The following BHLHE40 variants were observed in gnomAD, a reference collection of about 807,000 sequenced individuals.
BHLHE40 encodes the protein class E basic helix-loop-helix protein 40.
A neutral mutation model predicts 35.7 loss-of-function variants in BHLHE40; 3 were observed. The observed-to-expected ratio is 0.08, with a 90% CI of 0.04 to 0.22. BHLHE40 has a LOEUF of 0.22. BHLHE40 is among the 10% of genes least tolerant of loss of function. BHLHE40 has a pLI of 1.00. For missense variants in BHLHE40, 486 were observed against 524.0 expected (o/e 0.93, Z 0.71); for synonymous variants, 236 against 213.0 (o/e 1.11, Z -0.94).
In BHLHE40 at chr3:4,983,445, C is replaced by T; in HGVS notation, c.992C>T (p.Ser331Leu). 6.2e-7 allele frequency: 1 copy of T among 1,614,206 alleles called. No homozygotes were observed. Among genetic ancestry groups the T allele is most frequent in the South Asian group, 1.1e-5 (1 of 91,090 alleles). ...FCLPFYLIPPSATAYLPMLEK... is the reference protein window; with the variant it reads ...FCLPFYLIPPLATAYLPMLEK... ...CTGCCCTTCTACCTGATCCCACCTT[C>T]AGCGACTGCCTACCTGCCCATGCTG... The change falls in exon 5 of 5, where the codon TCA (serine) becomes TTA (leucine). Residue 331 changes from serine (S) to leucine (L), a missense_variant. Ser to Leu is a moderately radical substitution (Grantham distance 145, BLOSUM62 -2). Transcript: ENST00000256495. The surrounding 1 kb of genome is among the most constrained non-coding windows in gnomAD (Gnocchi z 5.0).
At chr3:4,980,082 G>T in intron 2 of BHLHE40, 51 bp downstream of exon 2, 2 of 1,594,290 alleles carry the variant, frequency 1.3e-6, no homozygotes, top group East Asian at 4.5e-5. Flanking sequence ...CGCGCGCGCT[G>T]AGTTTCCAAG....
chr3:4,979,919 G>C (rs200308998), intron 1 of BHLHE40, 43 bp from the exon 2 acceptor site: 2 of 1,611,472 alleles, frequency 1.2e-6, no homozygotes, highest in East Asian at 4.5e-5. Flanking sequence ...GCCTGCAGCC[G>C]TGCGCAAGCA....
chr3:4,980,432 C>G, intron 3 of BHLHE40, 24 bp downstream of exon 3: 3 of 1,598,902 alleles, frequency 1.9e-6, no homozygotes, highest in East Asian at 2.2e-5. Context: ...TGGCCCCTTT[C>G]CAACCCAGTC....
At chr3:4,982,010 T>C (rs746874269) in intron 4 of BHLHE40, among the ~76,000 whole-genome samples, 10 of 152,234 alleles carry the variant, frequency 6.6e-5, no homozygotes, top group Non-Finnish European at 1.3e-4. Flanking sequence ...CTTGGTGAAT[T>C]GCACAATCTA....
Position 4,983,705 on chromosome 3 carries a change from A to G in BHLHE40, c.*13A>G. ...AACCAAAGACTAAACTCTCTAGGGGATCCTGCTGCTTTGCTTTCCTTCCTC... is the reference window on the plus strand; with the variant it reads ...AACCAAAGACTAAACTCTCTAGGGGGTCCTGCTGCTTTGCTTTCCTTCCTC... On this transcript the variant is annotated 3_prime_UTR_variant, in exon 5 of 5. Coordinates refer to ENST00000256495, the MANE Select transcript of BHLHE40 (RefSeq NM_003670.3). This position sits in a 1 kb window ranked among gnomAD's most constrained non-coding sequence, Gnocchi z 5.0. 6.4e-7 allele frequency: 1 copy of G among 1,570,452 alleles called. No homozygotes were observed. The highest frequency in any genetic ancestry group is 8.6e-7 in the Non-Finnish European group (1 of 1,160,420).
chr3:4,983,846 GTGTGTGTGTA>G lies in BHLHE40; in HGVS notation c.*159_*168del. 1.9e-6 allele frequency: 2 copies of G among 1,029,730 alleles called. No individual in the cohort carries two copies. The highest frequency in any genetic ancestry group is 2.8e-6 in the Non-Finnish European group (2 of 718,148). The allele number at this position is 1,029,730 out of a possible 1,614,324, so 63.8% of individuals were successfully genotyped here. ...AGATTCAGGGTGTGTGTGTGTGTGT[GTGTGTGTGTA>G]TGTGCGTGTGCGTGCACATGTGTGC... On this transcript the variant is annotated 3_prime_UTR_variant, in exon 5 of 5. Transcript: ENST00000256495. The surrounding 1 kb of genome is among the most constrained non-coding windows in gnomAD (Gnocchi z 5.0).
chr3:4,980,255 T>C (rs774233203), intron 2 of BHLHE40, 46 bp from the exon 3 acceptor site: 2 of 1,531,334 alleles, frequency 1.3e-6, no homozygotes, highest in Non-Finnish European at 1.8e-6. Context: ...GATAGGCTTC[T>C]CATCTCCTTC....
rs776024068 is a variant in BHLHE40 at position 4,983,340 on chromosome 3, A to G, written c.887A>G (p.Asp296Gly). The change falls in exon 5 of 5, where the codon GAT becomes GGT. Residue 296 changes from aspartate to glycine, a missense_variant. This residue lies in a region of BHLHE40 where 206 missense variants were observed against 208.9 expected (regional missense o/e 0.99). Transcript: ENST00000256495. This position sits in a 1 kb window ranked among gnomAD's most constrained non-coding sequence, Gnocchi z 5.0. ...PTKKNRMQLS[D>G]DEGHFTSSDL... ...AAAAAGAACCGGATGCAGCTTTCGG[A>G]TGATGAAGGCCATTTCACTAGCAGT... 6.2e-7 allele frequency: 1 copy of G among 1,614,156 alleles called. No homozygotes were observed. Among genetic ancestry groups the G allele is most frequent in the Non-Finnish European group, 8.5e-7 (1 of 1,180,028 alleles).
At chr3:4,980,514 ATCAGAGCTGGCGGG>A in intron 3 of BHLHE40, 106 bp downstream of exon 3, 1 of 919,416 alleles carries the variant, frequency 1.1e-6, no homozygotes, top group South Asian at 1.4e-5. Flanking sequence ...AGACTGGCGG[ATCAGAGCTGGCGGG>A]TGGCTCTGCG....
rs1183246948 is a variant in BHLHE40, at chr3:4,983,274, G to A, written c.821G>A (p.Arg274Lys). 3 of 1,614,202 alleles carry A rather than the reference G, an allele frequency of 1.9e-6. No homozygotes were observed. The highest frequency in any genetic ancestry group is 2.5e-6 in the Non-Finnish European group (3 of 1,180,018). Residue 274 changes from arginine to lysine, a missense_variant, in exon 5 of 5, where the codon AGG (arginine) becomes AAG (lysine). Physicochemically the swap from Arg to Lys is conservative, Grantham distance 26. Transcript: ENST00000256495. This position sits in a 1 kb window ranked among gnomAD's most constrained non-coding sequence, Gnocchi z 5.0. ...DHGRRFTMGE[R>K]IGAIKQESEE... is the part of the protein sequence containing the mutation. The stretch of plus-strand genomic sequence containing the variant: ...GGACGCAGGTTCACGATGGGAGAAA[G>A]GATCGGCGCAATTAAGCAAGAGTCC...
At chr3:4,980,205 A>ACTCTGCTC (rs2053179816) in intron 2 of BHLHE40, 96 bp from the exon 3 acceptor site, 5 of 1,225,146 alleles carry the variant, frequency 4.1e-6, no homozygotes, top group Admixed American at 1.8e-5. Flanking sequence ...CTACTCTGCT[A>ACTCTGCTC]CTCTGCTCCT....
rs979108841 is a variant in BHLHE40, at chr3:4,983,521, C to T, written c.1068C>T (p.Asn356=). 8 of 1,614,074 alleles carry T rather than the reference C, an allele frequency of 5.0e-6. No homozygotes were observed. Among genetic ancestry groups the T allele is most frequent in the South Asian group, 3.3e-5 (3 of 91,090 alleles). The part of the protein sequence containing the change: ...TSVPVLYPGL[N]ASAAALSSFM... ...TGCCAGTGCTATACCCAGGCCTCAA[C>T]GCCTCTGCCGCAGCCCTCTCTAGCT... is the stretch of plus-strand genomic sequence containing the variant. Residue 356 remains asparagine (N), a synonymous_variant, in exon 5 of 5, where the codon AAC becomes AAT. Transcript: ENST00000256495. The surrounding 1 kb of genome is among the most constrained non-coding windows in gnomAD (Gnocchi z 5.0).
rs749082638 is a variant in BHLHE40, at chr3:4,980,305, C to T, written c.155C>T (p.Thr52Ile). Residue 52 changes from threonine (T) to isoleucine (I), a missense_variant, in exon 3 of 5, where the codon ACC (threonine) becomes ATC (isoleucine). Transcript: ENST00000256495. Reference sequence around the variant, plus strand: ...GCCTCCCCGTGCGTCTTGCAGGAGACCTACAAATTGCCGCACCGGCTCATC... The same window carrying T: ...GCCTCCCCGTGCGTCTTGCAGGAGATCTACAAATTGCCGCACCGGCTCATC... ...GIKRSEDSKE[T>I]YKLPHRLIEK... 2 of 1,613,980 alleles carry T rather than the reference C, an allele frequency of 1.2e-6. No individual in the cohort carries two copies. Among genetic ancestry groups the T allele is most frequent in the South Asian group, 1.1e-5 (1 of 91,056 alleles).
chr3:4,979,453 C>A lies in BHLHE40; in HGVS notation c.-266C>A, dbSNP rs2053167811. 5 of 262,280 alleles carry A rather than the reference C, an allele frequency of 1.9e-5. No homozygotes were observed. The highest frequency in any genetic ancestry group is 5.8e-5 in the South Asian group (1 of 17,236). 16.2% of individuals were successfully genotyped at this position (262,280 alleles called of 1,614,324 possible). A position where few individuals can be genotyped will look rare whatever the true frequency, so the allele number is the denominator to read the frequency against. On this transcript the variant is annotated 5_prime_UTR_variant, in exon 1 of 5. Coordinates refer to ENST00000256495, the MANE Select transcript of BHLHE40 (RefSeq NM_003670.3). ...CCACTTCTCATTCACTTGGCTCGCA[C>A]GGCGCAGACAGACCGCGCAGGGAGC...
Position 4,982,938 on chromosome 3 carries a change from A to G in BHLHE40, c.485A>G (p.Asn162Ser). ...EVLQYLAKHENTRDLKSSQLV... is the reference protein window; with the variant it reads ...EVLQYLAKHESTRDLKSSQLV... ...CTTCAGTATCTGGCCAAGCACGAGA[A>G]CACTCGGGACCTGAAGTCTTCGCAG... is the stretch of plus-strand genomic sequence containing the variant. The change falls in exon 5 of 5, where the codon AAC (asparagine) becomes AGC (serine). Residue 162 changes from asparagine (N) to serine (S), a missense_variant. Physicochemically the swap from Asn to Ser is conservative, Grantham distance 46. Coordinates refer to ENST00000256495, the MANE Select transcript of BHLHE40 (RefSeq NM_003670.3). 2 of 1,614,080 alleles carry G rather than the reference A, an allele frequency of 1.2e-6. No individual in the cohort carries two copies. Among genetic ancestry groups the G allele is most frequent in the Admixed American group, 1.7e-5 (1 of 60,012 alleles).
In BHLHE40 at chr3:4,983,836, GTGTGTGTGTGTGTGTGTGTA is replaced by G. The variant is rs1403842237; in HGVS notation, c.*149_*168del. ...CATGGAGAGCAGATTCAGGGTGTGTGTGTGTGTGTGTGTGTGTGTATGTGCGTGTGCGTGCACATGTGTGC... is the reference window on the plus strand; with the variant it reads ...CATGGAGAGCAGATTCAGGGTGTGTGTGTGCGTGTGCGTGCACATGTGTGC... On this transcript the variant is annotated 3_prime_UTR_variant, in exon 5 of 5. Coordinates refer to ENST00000256495, the MANE Select transcript of BHLHE40 (RefSeq NM_003670.3). This position sits in a 1 kb window ranked among gnomAD's most constrained non-coding sequence, Gnocchi z 5.0. 12 of 974,610 alleles carry G rather than the reference GTGTGTGTGTGTGTGTGTGTA, an allele frequency of 1.2e-5. No homozygotes were observed. The highest frequency in any genetic ancestry group is 1.6e-5 in the Non-Finnish European group (11 of 672,392). The allele number at this position is 974,610 out of a possible 1,614,324, so 60.4% of individuals were successfully genotyped here. A position where few individuals can be genotyped will look rare whatever the true frequency, so the allele number is the denominator to read the frequency against.
At chr3:4,979,842 C>T in intron 1 of BHLHE40, 44 bp downstream of exon 1, 4 of 1,595,952 alleles carry the variant, frequency 2.5e-6, no homozygotes, top group Non-Finnish European at 2.6e-6. Context: ...ACTGCAGCCC[C>T]ATGTTATGCG....
chr3:4,983,799 G>T lies in BHLHE40; in HGVS notation c.*107G>T. 1 of 1,399,694 alleles carries T rather than the reference G, an allele frequency of 7.1e-7. No homozygotes were observed. Among genetic ancestry groups the T allele is most frequent in the East Asian group, 2.3e-5 (1 of 43,562 alleles). The allele number at this position is 1,399,694 out of a possible 1,614,324, so 86.7% of individuals were successfully genotyped here. On this transcript the variant is annotated 3_prime_UTR_variant, in exon 5 of 5. Coordinates refer to ENST00000256495, the MANE Select transcript of BHLHE40 (RefSeq NM_003670.3). The surrounding 1 kb of genome is among the most constrained non-coding windows in gnomAD (Gnocchi z 5.0). ...AAGATTGTTGCATTGTGTATACTGA[G>T]ATAATCTGAGGCATGGAGAGCAGAT... is the stretch of plus-strand genomic sequence containing the variant.
chr3:4,982,559 T>G (rs1307486041), intron 4 of BHLHE40, among the ~76,000 whole-genome samples: 1 of 152,174 alleles, frequency 6.6e-6, no homozygotes, highest in Non-Finnish European at 1.5e-5. Context: ...GGGAAACAGC[T>G]CATCTCATAT....
Sources: allele counts gnomAD v4.1 joint callset (sites outside exome capture counted in the v4.1 genomes callset), GRCh38; gene constraint gnomAD v4.1.1; regional missense constraint gnomAD v4.1.1; non-coding constraint Gnocchi (gnomAD v3.1); transcripts MANE v1.5; gene names NCBI Gene and HGNC (gene_info 2026-07-23, HGNC 2026-07-21).